VWDE: variants seen among roughly 807,000 people sequenced by gnomAD.
VWDE encodes the protein von Willebrand factor D and EGF domains.
A neutral mutation model predicts 178.4 loss-of-function variants in VWDE; 207 were observed. That is an observed-to-expected ratio of 1.16 (90% CI 1.04 to 1.30). VWDE has a LOEUF of 1.30. Ranked by LOEUF, VWDE falls within the 50% of genes most tolerant of loss-of-function variation. The pLI is 0.00. For synonymous variants in VWDE, 738 were observed against 651.4 expected (o/e 1.13, Z -2.02); for missense variants, 2,287 against 1,901.3 (o/e 1.20, Z -3.77).
At chr7:12,335,859 T>C (rs1272009327) in intron 27 of VWDE, among the ~76,000 whole-genome samples, 1 of 152,214 alleles carries the variant, frequency 6.6e-6, no homozygotes, top group Non-Finnish European at 1.5e-5. Flanking sequence ...TATATATCAA[T>C]ACCTTCTTTG....
intron 18 of VWDE, among the ~76,000 whole-genome samples, chr7:12,354,865 C>T (rs1782139550): frequency 6.6e-6 from 1 of 152,124 alleles, no homozygotes; most frequent in African/African-American, 2.4e-5. Flanking sequence ...AGCTTAAGGA[C>T]AAATTGTTTA....
chr7:12,344,949 T>G (rs1301043516), intron 19 of VWDE, among the ~76,000 whole-genome samples: 1 of 151,920 alleles, frequency 6.6e-6, no homozygotes, highest in African/African-American at 2.4e-5. Context: ...GTTAATCAGA[T>G]CTATATTGAC....
At chr7:12,376,931 C>T (rs1439919120) in intron 7 of VWDE, among the ~76,000 whole-genome samples, 3 of 151,826 alleles carry the variant, frequency 2.0e-5, no homozygotes, top group African/African-American at 4.8e-5. Context: ...CTTCTTGTTT[C>T]TCTGATTTAA....
At chr7:12,384,167 G>C (rs1783985945) in intron 3 of VWDE, among the ~76,000 whole-genome samples, 1 of 152,088 alleles carries the variant, frequency 6.6e-6, no homozygotes, top group Non-Finnish European at 1.5e-5. Context: ...ATATTATTCA[G>C]CCTTAAAAAG....
At chr7:12,396,062 T>C (rs1029467399) in intron 1 of VWDE, among the ~76,000 whole-genome samples, 1 of 152,204 alleles carries the variant, frequency 6.6e-6, no homozygotes, top group African/African-American at 2.4e-5. Flanking sequence ...GAAAGTTGGG[T>C]AATATATAAT....
chr7:12,362,928 T>A (rs941925504), intron 13 of VWDE, among the ~76,000 whole-genome samples: 2 of 152,086 alleles, frequency 1.3e-5, no homozygotes, highest in Non-Finnish European at 2.9e-5. Context: ...GAAAGAAAGC[T>A]CCAGCTAATG....
At chr7:12,394,183 C>G (rs149745933) in intron 1 of VWDE, among the ~76,000 whole-genome samples, 1 of 152,064 alleles carries the variant, frequency 6.6e-6, no homozygotes, top group Non-Finnish European at 1.5e-5. Context: ...CCCAAAGTAG[C>G]CACATGCCTA....
chr7:12,394,098 G>A (rs1443039282), intron 1 of VWDE, among the ~76,000 whole-genome samples: 1 of 152,122 alleles, frequency 6.6e-6, no homozygotes, highest in Non-Finnish European at 1.5e-5. Flanking sequence ...TCAAGTCACA[G>A]GACCTACAAG....
Position 12,370,308 on chromosome 7 carries a change from A to ATCTAGT in VWDE, c.1992_1997dup (p.Glu664_Leu665dup). ...CTGAATTAATATATTCGGAGGTGACATCTAGTTCTGGTATCAAAGAAGATA... is the reference window on the plus strand; with the variant it reads ...CTGAATTAATATATTCGGAGGTGACATCTAGTTCTAGTTCTGGTATCAAAGAAGATA... On this transcript the variant is annotated inframe_insertion, in exon 12 of 29. Transcript: ENST00000275358. 1.9e-6 allele frequency: 3 copies of ATCTAGT among 1,551,230 alleles called. No homozygotes were observed. Among genetic ancestry groups the ATCTAGT allele is most frequent in the Non-Finnish European group, 2.6e-6 (3 of 1,146,820 alleles).
At chr7:12,344,339 A>G in intron 20 of VWDE, 35 bp downstream of exon 20, 1 of 1,550,036 alleles carries the variant, frequency 6.5e-7, no homozygotes, top group Non-Finnish European at 8.7e-7. Context: ...ACCAAATACA[A>G]TTTATCATGC....
In VWDE at chr7:12,376,246, T is replaced by A. The variant is rs1463449211; in HGVS notation, c.1025-1019A>T. On this transcript the variant is annotated intron_variant, in intron 7 of 28. Transcript: ENST00000275358. ...TTCCTCAAGCCAATACATGAGGGGT[T>A]GTTCTCTTTAAGCCTGTGAATAGCA... 2.6e-5 allele frequency among the ~76,000 whole-genome samples: 4 copies of A among 152,086 alleles called. 1 individual carries two copies. Among genetic ancestry groups the A allele is most frequent in the African/African-American group, 9.7e-5 (4 of 41,442 alleles).
At chr7:12,336,355 A>C in intron 26 of VWDE, 119 bp from the exon 27 acceptor site, 1 of 788,150 alleles carries the variant, frequency 1.3e-6, no homozygotes, top group Non-Finnish European at 2.0e-6. Flanking sequence ...GTGATTAAAG[A>C]AATTTTTCCC....
intron 19 of VWDE, among the ~76,000 whole-genome samples, chr7:12,348,125 A>G (rs1183567474): frequency 6.6e-6 from 1 of 151,864 alleles, no homozygotes; most frequent in Non-Finnish European, 1.5e-5. Context: ...AAAACCCTAG[A>G]AGAAAACCTA....
intron 22 of VWDE, among the ~76,000 whole-genome samples, 162 bp downstream of exon 22, chr7:12,342,921 G>C (rs1781405550): frequency 6.6e-6 from 1 of 151,012 alleles, no homozygotes; most frequent in Non-Finnish European, 1.5e-5. Flanking sequence ...CTATGAGTGA[G>C]AACATGCGGT....
At chr7:12,398,523 T>C (rs994112519) in intron 1 of VWDE, among the ~76,000 whole-genome samples, 2 of 152,128 alleles carry the variant, frequency 1.3e-5, no homozygotes, top group East Asian at 1.9e-4. Flanking sequence ...TTCCCTGCTA[T>C]ATAAACCCAA....
intron 19 of VWDE, among the ~76,000 whole-genome samples, chr7:12,350,946 T>G (rs1315467820): frequency 2.0e-5 from 3 of 151,950 alleles, no homozygotes; most frequent in Non-Finnish European, 4.4e-5. Flanking sequence ...GCCTGTAAAA[T>G]CAAGAAAGAG....
intron 3 of VWDE, among the ~76,000 whole-genome samples, chr7:12,387,696 C>A (rs915942730): frequency 9.2e-5 from 14 of 152,036 alleles, no homozygotes; most frequent in Non-Finnish European, 1.5e-4. Flanking sequence ...GATTTGGGGT[C>A]GGCTAGCTTG....
At chr7:12,379,224 A>G (rs1783699350) in intron 6 of VWDE, among the ~76,000 whole-genome samples, 1 of 152,226 alleles carries the variant, frequency 6.6e-6, no homozygotes, top group Non-Finnish European at 1.5e-5. Flanking sequence ...AGAGGAATAG[A>G]CCTTCTGCTT....
At chr7:12,398,202 C>T (rs1784715879) in intron 1 of VWDE, among the ~76,000 whole-genome samples, 1 of 152,032 alleles carries the variant, frequency 6.6e-6, no homozygotes, top group Non-Finnish European at 1.5e-5. Flanking sequence ...ATGTAGTATA[C>T]CTGAAACTGG....
Sources: allele counts gnomAD v4.1 joint callset (sites outside exome capture counted in the v4.1 genomes callset), GRCh38; gene constraint gnomAD v4.1.1; transcripts MANE v1.5; gene names NCBI Gene and HGNC (gene_info 2026-07-23, HGNC 2026-07-21).